The following SIAE variants were observed in gnomAD, a reference collection of about 807,000 sequenced individuals.
SIAE encodes the protein sialic acid acetylesterase, also known as sialate O-acetylesterase.
Under a neutral mutation model 52.6 loss-of-function variants are expected in SIAE, and 39 were observed. That is an observed-to-expected ratio of 0.74 (90% CI 0.57 to 0.97). The LOEUF is 0.97. Ranked by LOEUF, SIAE falls within the 50% of genes least tolerant of loss-of-function variation. The probability of loss-of-function intolerance (pLI) is 0.00; values close to 1 mark genes in which losing one functional copy is unlikely to be tolerated. For missense variants in SIAE, 592 were observed against 662.1 expected, an observed-to-expected ratio of 0.89 and a Z score of 1.16; for synonymous variants, 233 against 241.4, an observed-to-expected ratio of 0.97 and a Z score of 0.32.
intron 9 of SIAE, 71 bp from the exon 10 acceptor site, chr11:124,637,273 T>C: frequency 1.3e-6 from 2 of 1,598,108 alleles, no homozygotes. Context: ...CACTGCTCTT[T>C]CAGACAGAAT....
Position 124,636,337 on chromosome 11 carries a change from A to G in SIAE, c.*614T>C, listed in dbSNP as rs542275000. The G allele has an allele frequency of 5.1e-5, 8 of 157,312 alleles. No homozygotes were observed. Among genetic ancestry groups the G allele is most frequent in the South Asian group, 1.8e-4 (1 of 5,440 alleles). The allele number at this position is 157,312 out of a possible 1,614,324, so 9.7% of individuals were successfully genotyped here. On this transcript the variant is annotated 3_prime_UTR_variant, in exon 10 of 10. Coordinates refer to ENST00000263593, the MANE Select transcript of SIAE (RefSeq NM_170601.5). ...AGAGATCTGTCTTCAATTATCTGATAGTAGTAAAGTTTCACGGGAGAAAGA... is the reference window on the plus strand; with the variant it reads ...AGAGATCTGTCTTCAATTATCTGATGGTAGTAAAGTTTCACGGGAGAAAGA...
intron 2 of SIAE, among the ~76,000 whole-genome samples, chr11:124,668,148 C>T (rs1238632422): frequency 6.6e-6 from 1 of 152,316 alleles, no homozygotes; most frequent in East Asian, 1.9e-4. Flanking sequence ...GTCACACACC[C>T]CCCAGTGTTC....
chr11:124,649,000 T>C lies in SIAE; in HGVS notation c.722+619A>G, dbSNP rs534497807. The stretch of plus-strand genomic sequence containing the variant: ...CTGCTCATCTCTACATTGATGTTAG[T>C]ATCGGGATTTGTATTCACTAGCCCT... On this transcript the variant is annotated intron_variant, in intron 5 of 9. Coordinates refer to ENST00000263593, the MANE Select transcript of SIAE (RefSeq NM_170601.5). 2.0e-5 allele frequency among the ~76,000 whole-genome samples: 3 copies of C among 152,350 alleles called. No individual in the cohort carries two copies. In the South Asian group the frequency reaches 6.2e-4, roughly 32 times the overall value.
intron 2 of SIAE, among the ~76,000 whole-genome samples, chr11:124,667,602 TC>T (rs1943290839): frequency 6.6e-6 from 1 of 152,116 alleles, no homozygotes. Flanking sequence ...CCCACAAGCA[TC>T]CCTGTCACAT....
In SIAE at chr11:124,654,738, A is replaced by C. The variant is rs1943071086; in HGVS notation, c.461T>G (p.Ile154Ser). 6.2e-7 allele frequency: 1 copy of C among 1,614,026 alleles called. No homozygotes were observed. The highest frequency in any genetic ancestry group is 8.5e-7 in the Non-Finnish European group (1 of 1,180,040). The change falls in exon 4 of 10, where the codon ATC becomes AGC. Residue 154 changes from isoleucine to serine, a missense_variant. By Grantham distance (142) the Ile-to-Ser change is moderately radical. Coordinates refer to ENST00000263593, the MANE Select transcript of SIAE (RefSeq NM_170601.5). ...SNTAAYQSVR[I>S]LSVSPIQAEQ... ...TGCTTGAATGGGAGAGACAGAGAGG[A>C]TGCGGACAGACTGATATGCCGCAGT...
intron 3 of SIAE, among the ~76,000 whole-genome samples, chr11:124,657,145 T>G (rs1187259873): frequency 6.6e-6 from 1 of 152,194 alleles, no homozygotes; most frequent in African/African-American, 2.4e-5. Context: ...GCTGTCAGGA[T>G]TACTGACTGG....
At chr11:124,652,032 A>T (rs1943024644) in intron 4 of SIAE, among the ~76,000 whole-genome samples, 1 of 152,220 alleles carries the variant, frequency 6.6e-6, no homozygotes. Context: ...GGCACACAGA[A>T]TAGGAAATAT....
chr11:124,652,425 C>T (rs768399890), intron 4 of SIAE, among the ~76,000 whole-genome samples: 9 of 152,166 alleles, frequency 5.9e-5, no homozygotes, highest in East Asian at 1.9e-4. Flanking sequence ...CGGTGGCTCA[C>T]GCCTGTAATC....
rs190144348 is a variant in SIAE at position 124,638,579 on chromosome 11, T to A, written c.1283A>T (p.Gln428Leu). 1.8e-5 allele frequency: 29 copies of A among 1,614,176 alleles called. No homozygotes were observed. Among genetic ancestry groups the A allele is most frequent in the Admixed American group, 1.0e-4 (6 of 60,022 alleles). ...GTTGTCCTTTTTCTGCACCTGGATT[T>A]GCTGGTAATATGTGAGATTGAGCAG... ...KGLLNLTYYQ[Q>L]IQVQKKDNKI... The change falls in exon 9 of 10, where the codon CAA becomes CTA. Residue 428 changes from glutamine (Q) to leucine (L), a missense_variant. Transcript: ENST00000263593.
chr11:124,669,439 G>A lies in SIAE; in HGVS notation c.150C>T (p.Phe50=), dbSNP rs201065680. 26 of 1,614,116 alleles carry A rather than the reference G, an allele frequency of 1.6e-5. No individual in the cohort carries two copies. In the East Asian group the frequency reaches 3.8e-4, roughly 24 times the overall value. Residue 50 remains phenylalanine, a synonymous_variant, in exon 2 of 10, where the codon TTC becomes TTT. Coordinates refer to ENST00000263593, the MANE Select transcript of SIAE (RefSeq NM_170601.5). Reference sequence around the variant, plus strand: ...CGGTCACTGTGGCTCCAGGTGTACCGAAGCCCCATATCACTGCCCCAGCAG... The same window carrying A: ...CGGTCACTGTGGCTCCAGGTGTACCAAAGCCCCATATCACTGCCCCAGCAG... ...KEPAGAVIWG[F]GTPGATVTVT...
intron 3 of SIAE, among the ~76,000 whole-genome samples, chr11:124,656,095 C>T (rs1943094321): frequency 6.6e-6 from 1 of 152,042 alleles, no homozygotes; most frequent in African/African-American, 2.4e-5. Context: ...GACTCGGGTC[C>T]CGTCCCCAAG....
chr11:124,649,375 C>T (rs1411427007), intron 5 of SIAE, among the ~76,000 whole-genome samples: 1 of 151,644 alleles, frequency 6.6e-6, no homozygotes, highest in Non-Finnish European at 1.5e-5. Flanking sequence ...ATATAAAAAG[C>T]TTTCAGTAAC....
Position 124,647,404 on chromosome 11 carries a change from C to G in SIAE, c.927G>C (p.Gln309His), listed in dbSNP as rs1252548100. The G allele has an allele frequency of 5.6e-6, 9 of 1,614,244 alleles. No individual in the cohort carries two copies. Among genetic ancestry groups the G allele is most frequent in the Non-Finnish European group, 7.6e-6 (9 of 1,180,046 alleles). The change falls in exon 7 of 10, where the codon CAG becomes CAC. Residue 309 changes from glutamine (Q) to histidine (H), a missense_variant. Transcript: ENST00000263593. ...DWRETFHRGS[Q>H]GQTERFFPFG... The stretch of plus-strand genomic sequence containing the variant: ...ATGGGAAGAAACGCTCCGTCTGCCC[C>G]TGGGAACCACGGTGGAAGGTTTCAC...
chr11:124,656,909 G>A (rs1016659881), intron 3 of SIAE, among the ~76,000 whole-genome samples: 1 of 152,144 alleles, frequency 6.6e-6, no homozygotes, highest in Non-Finnish European at 1.5e-5. Context: ...GTCACAGAGT[G>A]TGCAGCTGGC....
intron 9 of SIAE, 118 bp downstream of exon 9, chr11:124,638,424 A>G (rs1474686034): frequency 2.5e-5 from 27 of 1,088,040 alleles, no homozygotes; most frequent in Non-Finnish European, 3.3e-5. Context: ...AAATAAGCTC[A>G]GCCCCCAACC....
In SIAE at chr11:124,649,618, C is replaced by A. The variant is rs1263296666; in HGVS notation, c.722+1G>T. ...TCTCAGACTGGAGAATGCTGTCTTA[C>A]CCTTGTTTAGGGACCCCACAGGCTT... On this transcript the variant is annotated splice_donor_variant, in intron 5 of 9. Coordinates refer to ENST00000263593, the MANE Select transcript of SIAE (RefSeq NM_170601.5). LOFTEE classifies it high-confidence loss of function. The A allele has an allele frequency of 6.2e-7, 1 of 1,613,956 alleles. No individual in the cohort carries two copies. Among genetic ancestry groups the A allele is most frequent in the East Asian group, 2.2e-5 (1 of 44,878 alleles).
chr11:124,660,406 T>C (rs1669642553), intron 3 of SIAE: 2 of 628,814 alleles, frequency 3.2e-6, no homozygotes, highest in Non-Finnish European at 5.9e-6. Context: ...CTATATAGAA[T>C]ACATTAGCAC....
intron 7 of SIAE, among the ~76,000 whole-genome samples, chr11:124,640,326 T>C (rs1301305009): frequency 1.3e-5 from 2 of 152,186 alleles, no homozygotes; most frequent in Non-Finnish European, 2.9e-5. Flanking sequence ...AGAGAGGCTC[T>C]AGTGTTCCAG....
chr11:124,675,494 A>G (rs1245333211), upstream of SIAE: 6 of 1,510,458 alleles, frequency 4.0e-6, no homozygotes, highest in Non-Finnish European at 5.4e-6. Context: ...GCTTAAGACC[A>G]TCTCCATTCT....
Sources: gnomAD v4.1 joint callset for allele counts (sites outside exome capture counted in the v4.1 genomes callset) on GRCh38, gnomAD v4.1.1 for gene constraint, MANE v1.5 for transcripts, NCBI Gene and HGNC (gene_info 2026-07-23, HGNC 2026-07-21) for gene names.